SORCS1: variants seen among roughly 807,000 people sequenced by gnomAD.
SORCS1 encodes the protein sortilin related VPS10 domain containing receptor 1, also known as VPS10 domain-containing receptor SorCS1.
Under a neutral mutation model 146.1 loss-of-function variants are expected in SORCS1, and 60 were observed. The observed-to-expected ratio is 0.41, with a 90% CI of 0.33 to 0.51. The LOEUF is 0.51. SORCS1 is among the 20% of genes least tolerant of loss of function. SORCS1 has a pLI of 0.21. For missense variants in SORCS1, 1,352 were observed against 1,487.6 expected (o/e 0.91, Z 1.50); for synonymous variants, 637 against 584.0 (o/e 1.09, Z -1.31).
intron 5 of SORCS1, among the ~76,000 whole-genome samples, chr10:106,732,231 G>A (rs1057239016): frequency 6.6e-6 from 1 of 152,158 alleles, no homozygotes; most frequent in African/African-American, 2.4e-5. Context: ...TTCCTAATAA[G>A]GGTCTCATAA....
At position 107,158,715 on chromosome 10, in the gene SORCS1, T is replaced by C. The variant is rs111457237; in HGVS notation, c.558+5254A>G. 8.9e-4 allele frequency among the ~76,000 whole-genome samples: 136 copies of C among 152,326 alleles called. 1 individual carries two copies. The highest frequency in any genetic ancestry group is 3.2e-3 in the African/African-American group (131 of 41,576). On this transcript the variant is annotated intron_variant, in intron 1 of 25. Coordinates refer to ENST00000263054, the MANE Select transcript of SORCS1 (RefSeq NM_052918.5). ...TATCCCTATGCCAGTGAATGACAAA[T>C]ATTAGGAGCTCAATAAATATTTGTT... is the stretch of plus-strand genomic sequence containing the variant.
chr10:106,770,711 AAG>A, intron 4 of SORCS1, among the ~76,000 whole-genome samples: 1 of 152,330 alleles, frequency 6.6e-6, no homozygotes, highest in East Asian at 1.9e-4. Context: ...CAAAAAAAGA[AAG>A]AATTCTGAAG....
intron 1 of SORCS1, among the ~76,000 whole-genome samples, chr10:107,015,250 C>G (rs1199383454): frequency 6.6e-6 from 1 of 152,174 alleles, no homozygotes; most frequent in Non-Finnish European, 1.5e-5. Context: ...AAGCCAAGAC[C>G]TCTGCTGTTG....
chr10:106,595,893 A>T (rs1845876571), intron 24 of SORCS1, among the ~76,000 whole-genome samples: 1 of 152,218 alleles, frequency 6.6e-6, no homozygotes, highest in Admixed American at 6.5e-5. Flanking sequence ...GACAGGATAT[A>T]ACTCATACCT....
chr10:107,067,525 T>C (rs1961995036), intron 1 of SORCS1, among the ~76,000 whole-genome samples: 1 of 152,218 alleles, frequency 6.6e-6, no homozygotes, highest in Admixed American at 6.5e-5. Context: ...CATATAACTA[T>C]ATTGATAAGA....
intron 16 of SORCS1, among the ~76,000 whole-genome samples, chr10:106,669,714 T>C (rs910225837): frequency 1.3e-5 from 2 of 152,360 alleles, no homozygotes; most frequent in East Asian, 3.9e-4. Context: ...CCCTGAAGAT[T>C]TGAGCTCCAA....
chr10:107,120,268 A>C (rs1966313381), intron 1 of SORCS1, among the ~76,000 whole-genome samples: 1 of 152,244 alleles, frequency 6.6e-6, no homozygotes, highest in Non-Finnish European at 1.5e-5. Flanking sequence ...TACATTATAC[A>C]TCAATACAGC....
intron 9 of SORCS1, 45 bp from the exon 10 acceptor site, chr10:106,688,383 G>A (rs1853031592): frequency 6.3e-7 from 1 of 1,584,060 alleles, no homozygotes; most frequent in Non-Finnish European, 8.6e-7. Flanking sequence ...ATTTGAGAAG[G>A]GATATATTTG....
intron 1 of SORCS1, among the ~76,000 whole-genome samples, chr10:107,014,362 T>C (rs1176009064): frequency 1.3e-5 from 2 of 152,104 alleles, no homozygotes; most frequent in Non-Finnish European, 2.9e-5. Flanking sequence ...TTCTGGCCTT[T>C]GCTTAGTGTT....
intron 1 of SORCS1, among the ~76,000 whole-genome samples, chr10:107,034,053 AC>A (rs1405214370): frequency 6.6e-6 from 1 of 152,234 alleles, no homozygotes; most frequent in African/African-American, 2.4e-5. Flanking sequence ...AATCAGCATC[AC>A]AAACACATTT....
intron 3 of SORCS1, among the ~76,000 whole-genome samples, chr10:106,804,203 A>G (rs1947052812): frequency 6.6e-6 from 1 of 152,092 alleles, no homozygotes; most frequent in Non-Finnish European, 1.5e-5. Flanking sequence ...AAATATGGCT[A>G]CTTGCCATAT....
At chr10:106,830,164 G>A (rs993676950) in intron 2 of SORCS1, among the ~76,000 whole-genome samples, 4 of 152,126 alleles carry the variant, frequency 2.6e-5, no homozygotes, top group African/African-American at 9.7e-5. Flanking sequence ...GCAAGAAAAT[G>A]TCTCAATAAT....
At chr10:106,881,076 CAAAAAAAAAAA>C (rs59128024) in intron 2 of SORCS1, among the ~76,000 whole-genome samples, 3 of 69,176 alleles carry the variant, frequency 4.3e-5, no homozygotes, top group Admixed American at 1.8e-4. Flanking sequence ...GACTCTGTCT[CAAAAAAAAAAA>C]AAAAAAAAAA....
intron 3 of SORCS1, among the ~76,000 whole-genome samples, chr10:106,826,349 G>A (rs1016984668): frequency 6.6e-6 from 1 of 152,234 alleles, no homozygotes; most frequent in Non-Finnish European, 1.5e-5. Flanking sequence ...GGAGACCTGA[G>A]AGAATTAATA....
chr10:106,674,030 T>C (rs931956356), intron 14 of SORCS1, among the ~76,000 whole-genome samples: 12 of 151,392 alleles, frequency 7.9e-5, no homozygotes, highest in African/African-American at 2.7e-4. Flanking sequence ...AAAGCAGAAG[T>C]GGTAGGCCAG....
rs1564838017 is a variant in SORCS1 at position 106,944,871 on chromosome 10, CTTCTTTTT to C, written c.626+11634_626+11641del. On this transcript the variant is annotated intron_variant, in intron 2 of 25. Coordinates refer to ENST00000263054, the MANE Select transcript of SORCS1 (RefSeq NM_052918.5). ...ATGGTAGAAAGAAGCAAGAAAGAGC[CTTCTTTTT>C]TTTTTTTTTTTTTTTTTTTTTTTGG... Among the ~76,000 whole-genome samples the C allele has an allele frequency of 8.7e-3, 530 of 61,004 alleles. 70 individuals are homozygous for C. Among genetic ancestry groups the C allele is most frequent in the African/African-American group, 0.02 (455 of 22,374 alleles). The allele number at this position is 61,004 out of a possible 152,430, so 40.0% of individuals were successfully genotyped here. A position where few individuals can be genotyped will look rare whatever the true frequency, so the allele number is the denominator to read the frequency against.
chr10:106,882,631 G>T (rs1474243798), intron 2 of SORCS1, among the ~76,000 whole-genome samples: 2 of 152,004 alleles, frequency 1.3e-5, no homozygotes, highest in African/African-American at 4.8e-5. Flanking sequence ...TGACTTTTTA[G>T]CTTTTTAACC....
chr10:106,681,106 C>T (rs1001927974), intron 10 of SORCS1, among the ~76,000 whole-genome samples: 3 of 152,102 alleles, frequency 2.0e-5, no homozygotes, highest in Non-Finnish European at 2.9e-5. Flanking sequence ...AAGAAGACAG[C>T]CCCTATTAGA....
chr10:106,647,699 A>G (rs1849551156), intron 18 of SORCS1, among the ~76,000 whole-genome samples: 1 of 152,224 alleles, frequency 6.6e-6, no homozygotes, highest in Non-Finnish European at 1.5e-5. Flanking sequence ...AAGATAAATC[A>G]TACACATTAA....
Sources: gnomAD v4.1 joint callset for allele counts (sites outside exome capture counted in the v4.1 genomes callset) on GRCh38, gnomAD v4.1.1 for gene constraint, MANE v1.5 for transcripts, NCBI Gene and HGNC (gene_info 2026-07-23, HGNC 2026-07-21) for gene names.